The following FBXL7 variants were observed in gnomAD, a reference collection of about 807,000 sequenced individuals.
The protein encoded by FBXL7 is F-box/LRR-repeat protein 7.
Under a neutral mutation model 38.3 loss-of-function variants are expected in FBXL7, and 12 were observed. That is an observed-to-expected ratio of 0.31 (90% CI 0.20 to 0.51). The LOEUF is 0.51. Among genes scored for constraint, FBXL7 ranks in the 20% least tolerant of loss-of-function variants. The pLI is 0.98. For synonymous variants in FBXL7, 297 were observed against 300.9 expected (o/e 0.99, Z 0.13); for missense variants, 567 against 676.4 (o/e 0.84, Z 1.79).
At chr5:15,718,566 C>CT (rs1478657041) in intron 2 of FBXL7, among the ~76,000 whole-genome samples, 2 of 152,160 alleles carry the variant, frequency 1.3e-5, no homozygotes, top group African/African-American at 4.8e-5. Flanking sequence ...AATAGCGTAA[C>CT]TAGGCATGCA....
chr5:15,527,477 G>C (rs1025649645), intron 1 of FBXL7, among the ~76,000 whole-genome samples: 2 of 152,106 alleles, frequency 1.3e-5, no homozygotes, highest in Admixed American at 6.6e-5. Context: ...GTTCATCAGA[G>C]ATTAAAACTA....
At chr5:15,614,279 T>C (rs756859380) in intron 1 of FBXL7, among the ~76,000 whole-genome samples, 90 of 115,158 alleles carry the variant, frequency 7.8e-4, no homozygotes, top group Non-Finnish European at 1.4e-3. Context: ...CTTTTCTTTT[T>C]TTTTTTTTGA....
At chr5:15,710,965 G>T (rs1328651933) in intron 2 of FBXL7, among the ~76,000 whole-genome samples, 1 of 152,144 alleles carries the variant, frequency 6.6e-6, no homozygotes, top group African/African-American at 2.4e-5. Flanking sequence ...GAAGATAATT[G>T]AATTATGGGG....
rs373021195 is a variant in FBXL7, at chr5:15,790,389, A to G, written c.128-137501A>G. Among the ~76,000 whole-genome samples, 235 of 152,136 alleles carry G rather than the reference A, an allele frequency of 1.5e-3. 10 individuals carry two copies. The South Asian group carries it at 0.048, about 31-fold the overall frequency. On this transcript the variant is annotated intron_variant, in intron 2 of 3. Transcript: ENST00000504595. ...TTTGTGACTCAGTTTTGCAACTGTA[A>G]AATTAGAGAGTAGAGTTGTCGTGAG...
intron 1 of FBXL7, among the ~76,000 whole-genome samples, chr5:15,529,551 A>C (rs1737359657): frequency 1.3e-5 from 2 of 151,772 alleles, no homozygotes; most frequent in African/African-American, 2.4e-5. Flanking sequence ...ATGCCCGGCT[A>C]ATTTTTTTGT....
intron 1 of FBXL7, among the ~76,000 whole-genome samples, chr5:15,570,526 A>C (rs1738741518): frequency 6.6e-6 from 1 of 150,478 alleles, no homozygotes; most frequent in Non-Finnish European, 1.5e-5. Flanking sequence ...CTTTCTTCTT[A>C]TTGTTAGAAT....
intron 1 of FBXL7, among the ~76,000 whole-genome samples, chr5:15,604,448 G>C (rs1195205430): frequency 6.6e-6 from 1 of 152,158 alleles, no homozygotes; most frequent in African/African-American, 2.4e-5. Flanking sequence ...TCTACCCCCC[G>C]GGTTAAAGAG....
intron 2 of FBXL7, among the ~76,000 whole-genome samples, chr5:15,617,496 G>C (rs142469800): frequency 2.3e-3 from 350 of 151,220 alleles, no homozygotes; most frequent in African/African-American, 7.8e-3. Context: ...TCACTCTTTT[G>C]CCCAGACTAG....
At chr5:15,917,321 A>G (rs1162325300) in intron 2 of FBXL7, among the ~76,000 whole-genome samples, 2 of 152,172 alleles carry the variant, frequency 1.3e-5, no homozygotes, top group African/African-American at 4.8e-5. Context: ...CCATAAATAT[A>G]TGGTGATTTT....
At position 15,593,965 on chromosome 5, in the gene FBXL7, A is replaced by T. The variant is rs568283147; in HGVS notation, c.38-22018A>T. Among the ~76,000 whole-genome samples, 262 of 152,300 alleles carry T rather than the reference A, an allele frequency of 1.7e-3. 1 individual carries two copies. The highest frequency in any genetic ancestry group is 6.0e-3 in the African/African-American group (249 of 41,570). On this transcript the variant is annotated intron_variant, in intron 1 of 3. Coordinates refer to ENST00000504595, the MANE Select transcript of FBXL7 (RefSeq NM_012304.5). ...GAACCATATGACAGTGTTGATTTTG[A>T]ACCTTTTTAACCTATGAAAATGGCA...
intron 2 of FBXL7, among the ~76,000 whole-genome samples, chr5:15,856,915 A>C (rs1221334404): frequency 6.6e-6 from 1 of 152,186 alleles, no homozygotes; most frequent in African/African-American, 2.4e-5. Context: ...TCATTTTTAA[A>C]CATGTTTTAA....
intron 2 of FBXL7, among the ~76,000 whole-genome samples, chr5:15,736,192 C>G (rs1162177488): frequency 6.6e-6 from 1 of 152,172 alleles, no homozygotes; most frequent in African/African-American, 2.4e-5. Flanking sequence ...AGCTCTAAAG[C>G]TTAACTCCAA....
At position 15,844,760 on chromosome 5, in the gene FBXL7, G is replaced by A. The variant is rs528942540; in HGVS notation, c.128-83130G>A. Among the ~76,000 whole-genome samples, 4 of 152,190 alleles carry A rather than the reference G, an allele frequency of 2.6e-5. No individual in the cohort carries two copies. The South Asian group carries it at 8.3e-4, about 32-fold the overall frequency. Reference sequence around the variant, plus strand: ...GGAAACATGATAGAGCCTCAGGGAGGAAGCCAAGGCAGGTGTGCTTGACAG... The same window carrying A: ...GGAAACATGATAGAGCCTCAGGGAGAAAGCCAAGGCAGGTGTGCTTGACAG... On this transcript the variant is annotated intron_variant, in intron 2 of 3. Coordinates refer to ENST00000504595, the MANE Select transcript of FBXL7 (RefSeq NM_012304.5).
At chr5:15,843,707 T>G (rs1445147088) in intron 2 of FBXL7, among the ~76,000 whole-genome samples, 6 of 152,152 alleles carry the variant, frequency 3.9e-5, no homozygotes. Flanking sequence ...GTGATTTTAT[T>G]GTCAGGTTTC....
chr5:15,595,526 T>C (rs979944551), intron 1 of FBXL7, among the ~76,000 whole-genome samples: 4 of 152,144 alleles, frequency 2.6e-5, no homozygotes, highest in Non-Finnish European at 5.9e-5. Context: ...GGGATTTAAT[T>C]TTGAAGTATT....
At chr5:15,523,475 C>T (rs1343421281) in intron 1 of FBXL7, among the ~76,000 whole-genome samples, 1 of 151,778 alleles carries the variant, frequency 6.6e-6, no homozygotes. Flanking sequence ...AGGAGAATGG[C>T]GTGAACCCGG....
intron 2 of FBXL7, among the ~76,000 whole-genome samples, chr5:15,717,030 G>GTA (rs1744060447): frequency 6.6e-6 from 1 of 152,144 alleles, no homozygotes; most frequent in African/African-American, 2.4e-5. Context: ...TAATTAGGAT[G>GTA]TATTCCTGCA....
At chr5:15,845,125 T>TTA (rs1396330841) in intron 2 of FBXL7, among the ~76,000 whole-genome samples, 1 of 152,198 alleles carries the variant, frequency 6.6e-6, no homozygotes, top group Non-Finnish European at 1.5e-5. Flanking sequence ...TAGTACCCAA[T>TTA]TGTGTTGATC....
At chr5:15,930,572 G>A (rs1165994628) in intron 3 of FBXL7, among the ~76,000 whole-genome samples, 1 of 152,152 alleles carries the variant, frequency 6.6e-6, no homozygotes, top group Non-Finnish European at 1.5e-5. Flanking sequence ...TAGCCTTAGT[G>A]GTCCTGCCTG....
Sources: gnomAD v4.1 joint callset for allele counts (sites outside exome capture counted in the v4.1 genomes callset) on GRCh38, gnomAD v4.1.1 for gene constraint, MANE v1.5 for transcripts, NCBI Gene and HGNC (gene_info 2026-07-23, HGNC 2026-07-21) for gene names.